CACNA1C: variants seen among roughly 807,000 people sequenced by gnomAD.
CACNA1C encodes calcium voltage-gated channel subunit alpha1 C.
Under a neutral mutation model 229.0 loss-of-function variants are expected in CACNA1C, and 30 were observed. The ratio of observed to expected loss-of-function variants is 0.13; its 90% confidence interval spans 0.10 to 0.18. CACNA1C has a LOEUF of 0.18. CACNA1C is among the 10% of genes least tolerant of loss of function. The pLI, the probability that CACNA1C is intolerant of heterozygous loss-of-function variation, is 1.00. For synonymous variants in CACNA1C, 1,114 were observed against 1,132.5 expected, an observed-to-expected ratio of 0.98 and a Z score of 0.33; for missense variants, 1,658 against 2,845.0, an observed-to-expected ratio of 0.58 and a Z score of 9.49.
intron 37 of CACNA1C, among the ~76,000 whole-genome samples, chr12:2,668,184 G>A (rs549695232): frequency 2.6e-5 from 4 of 152,318 alleles, no homozygotes; most frequent in Admixed American, 1.3e-4. Flanking sequence ...ACATGCTGGC[G>A]TACAGCCGGT....
At chr12:2,345,230 A>G (rs180924010) in intron 3 of CACNA1C, among the ~76,000 whole-genome samples, 5 of 152,034 alleles carry the variant, frequency 3.3e-5, no homozygotes, top group Non-Finnish European at 5.9e-5. Context: ...GAGAGAGTCT[A>G]TGGGGCAGGG....
Position 2,486,724 on chromosome 12 carries a change from A to G in CACNA1C, c.916+462A>G, listed in dbSNP as rs1428262184. 2.6e-5 allele frequency among the ~76,000 whole-genome samples: 4 copies of G among 152,110 alleles called. No individual in the cohort carries two copies. Among genetic ancestry groups the G allele is most frequent in the Non-Finnish European group, 5.9e-5 (4 of 68,020 alleles). ...CCCAGCACCACTCTAAGATTTTTCTACCTTCATGGTGCTGATTCCAGATCC... is the reference window on the plus strand; with the variant it reads ...CCCAGCACCACTCTAAGATTTTTCTGCCTTCATGGTGCTGATTCCAGATCC... On this transcript the variant is annotated intron_variant, in intron 6 of 46. Coordinates refer to ENST00000399655, the MANE Select transcript of CACNA1C (RefSeq NM_000719.7). The surrounding 1 kb of genome is among the most constrained non-coding windows in gnomAD (Gnocchi z 4.9).
intron 1 of CACNA1C, among the ~76,000 whole-genome samples, chr12:2,087,778 C>G (rs1282350666): frequency 1.3e-5 from 2 of 152,112 alleles, no homozygotes; most frequent in African/African-American, 4.8e-5. Flanking sequence ...AGCTCAAAAT[C>G]TCTTCTTCTG....
chr12:2,229,671 G>A (rs918020441), intron 3 of CACNA1C, among the ~76,000 whole-genome samples: 1 of 152,198 alleles, frequency 6.6e-6, no homozygotes, highest in African/African-American at 2.4e-5. Flanking sequence ...CCATCTATGG[G>A]AATGAGGGGG....
In CACNA1C at chr12:2,688,717, C is replaced by T; in HGVS notation, c.6055C>T (p.Pro2019Ser). Residue 2019 changes from proline (P) to serine (S), a missense_variant, in exon 46 of 47, where the codon CCC becomes TCC. Around this residue, in one of 20 missense-constraint regions of CACNA1C, gnomAD observed 590 missense variants for 700.8 expected, o/e 0.84. Coordinates refer to ENST00000399655, the MANE Select transcript of CACNA1C (RefSeq NM_000719.7). The stretch of plus-strand genomic sequence containing the variant: ...AGTCCGGCCCGTCTCCCTCATGGTG[C>T]CCAGCCAGGCTGGGGCCCCAGGGAG... Reference protein sequence around the residue: ...RRVRPVSLMVPSQAGAPGRQF... With the variant: ...RRVRPVSLMVSSQAGAPGRQF... The T allele has an allele frequency of 6.2e-7, 1 of 1,605,138 alleles. No homozygotes were observed. The highest frequency in any genetic ancestry group is 1.1e-5 in the South Asian group (1 of 90,508).
At chr12:2,063,578 G>A (rs546753094) in intron 1 of CACNA1C, among the ~76,000 whole-genome samples, 4 of 152,354 alleles carry the variant, frequency 2.6e-5, no homozygotes, top group East Asian at 1.9e-4. Flanking sequence ...AAGGAAGCAC[G>A]TGAAATTAGG....
chr12:2,530,171 C>T (rs1193817382), intron 9 of CACNA1C, among the ~76,000 whole-genome samples: 4 of 152,084 alleles, frequency 2.6e-5, no homozygotes, highest in African/African-American at 4.8e-5. Context: ...TTCCTTTTTC[C>T]GTTGCTAAGT....
rs141020762 is a variant in CACNA1C, at chr12:2,684,860, T to G, written c.5574-876T>G. Among the ~76,000 whole-genome samples, 886 of 152,260 alleles carry G rather than the reference T, an allele frequency of 5.8e-3. 33 individuals carry two copies. Among genetic ancestry groups the G allele is most frequent in the Admixed American group, 0.053 (808 of 15,296 alleles). On this transcript the variant is annotated intron_variant, in intron 43 of 46. Coordinates refer to ENST00000399655, the MANE Select transcript of CACNA1C (RefSeq NM_000719.7). ...CTCTACCAGCCTTCCTGCACATCTA[T>G]AAATCATCCAAGTCTCTGTGCTGTA...
intron 3 of CACNA1C, among the ~76,000 whole-genome samples, chr12:2,249,772 CTTTTT>C (rs369050599): frequency 7.2e-6 from 1 of 138,810 alleles, no homozygotes; most frequent in Non-Finnish European, 1.6e-5. Context: ...TGCCTTCTCT[CTTTTT>C]TTTTTTTTTT....
chr12:2,204,199 C>G (rs2097685003), intron 3 of CACNA1C, among the ~76,000 whole-genome samples: 1 of 151,928 alleles, frequency 6.6e-6, no homozygotes, highest in South Asian at 2.1e-4. Context: ...TCTCTGATGG[C>G]CAGTGATGAT....
intron 13 of CACNA1C, among the ~76,000 whole-genome samples, chr12:2,573,201 C>T (rs111822520): frequency 0.012 from 1,873 of 152,238 alleles, 43 homozygotes; most frequent in African/African-American, 0.043. Context: ...ACTATAAGTG[C>T]CATGTCTGGC....
intron 3 of CACNA1C, among the ~76,000 whole-genome samples, chr12:2,124,816 T>A (rs1230943508): frequency 6.6e-6 from 1 of 151,990 alleles, no homozygotes; most frequent in Non-Finnish European, 1.5e-5. Flanking sequence ...AAGGTCATAT[T>A]TGAGGGGCAG....
chr12:2,668,061 A>ATATT (rs1394676969), intron 37 of CACNA1C, among the ~76,000 whole-genome samples: 1 of 152,226 alleles, frequency 6.6e-6, no homozygotes, highest in Non-Finnish European at 1.5e-5. Context: ...ATGCAGAAGC[A>ATATT]TATTTGTCAA....
intron 3 of CACNA1C, among the ~76,000 whole-genome samples, chr12:2,310,342 T>TAAAAAAAAAAA (rs1262171750): frequency 2.1e-5 from 3 of 144,244 alleles, no homozygotes; most frequent in Admixed American, 6.9e-5. Flanking sequence ...GCCTCCCAGT[T>TAAAAAAAAAAA]AAAAAAAAAA....
rs1192288837 is a variant in CACNA1C at position 2,601,487 on chromosome 12, G to A, written c.2854-367G>A. Among the ~76,000 whole-genome samples, 1 of 151,692 alleles carries A rather than the reference G, an allele frequency of 6.6e-6. No homozygotes were observed. The highest frequency in any genetic ancestry group is 6.6e-5 in the Admixed American group (1 of 15,238). On this transcript the variant is annotated intron_variant, in intron 21 of 46. Coordinates refer to ENST00000399655, the MANE Select transcript of CACNA1C (RefSeq NM_000719.7). This position sits in a 1 kb window ranked among gnomAD's most constrained non-coding sequence, Gnocchi z 5.9. ...CAGTCGGGATGTGTGCTCCCAACCC[G>A]ACAGCATCAGGAAAGGACCCTGCAG...
chr12:2,281,900 C>CT (rs1156623474), intron 3 of CACNA1C, among the ~76,000 whole-genome samples: 1 of 151,982 alleles, frequency 6.6e-6, no homozygotes, highest in South Asian at 2.1e-4. Flanking sequence ...TGTGAGAACT[C>CT]TAATTACACA....
intron 3 of CACNA1C, among the ~76,000 whole-genome samples, chr12:2,141,165 G>C (rs1292033910): frequency 6.6e-6 from 1 of 151,094 alleles, no homozygotes; most frequent in African/African-American, 2.4e-5. Context: ...ATGTGAGTGG[G>C]GTTGGAGGGG....
At chr12:2,256,453 G>C (rs998962635) in intron 3 of CACNA1C, among the ~76,000 whole-genome samples, 1 of 152,176 alleles carries the variant, frequency 6.6e-6, no homozygotes, top group Non-Finnish European at 1.5e-5. Context: ...TAAATCAAAT[G>C]AATTAATGTG....
In CACNA1C at chr12:2,115,474, G is replaced by A. The variant is rs764323907; in HGVS notation, c.300G>A (p.Pro100=). The change falls in exon 2 of 47, where the codon CCG becomes CCA. Residue 100 remains proline (P), a synonymous_variant. Transcript: ENST00000399655. The part of the protein sequence containing the change: ...KKQGSTTATR[P]PRALLCLTLK... Reference sequence around the variant, plus strand: ...AGGGCAGCACCACGGCCACACGCCCGCCCCGAGCCCTGCTCTGCCTGACCC... The same window carrying A: ...AGGGCAGCACCACGGCCACACGCCCACCCCGAGCCCTGCTCTGCCTGACCC... 20 of 1,613,332 alleles carry A rather than the reference G, an allele frequency of 1.2e-5. No individual in the cohort carries two copies. The highest frequency in any genetic ancestry group is 4.0e-5 in the African/African-American group (3 of 74,954).
Sources: allele counts gnomAD v4.1 joint callset (sites outside exome capture counted in the v4.1 genomes callset), GRCh38; gene constraint gnomAD v4.1.1; regional missense constraint gnomAD v4.1.1; non-coding constraint Gnocchi (gnomAD v3.1); transcripts MANE v1.5; gene names NCBI Gene and HGNC (gene_info 2026-07-23, HGNC 2026-07-21).